SLC35D4: variants seen among roughly 807,000 people sequenced by gnomAD.
SLC35D4 encodes UDP-N-acetylglucosamine transporter SLC35D4.
chr18:23,426,718 T>A, the SLC35D4 span, among the ~76,000 whole-genome samples: 2 of 152,206 alleles, frequency 1.3e-5, no homozygotes, highest in Non-Finnish European at 2.9e-5. Context: ...AAGACAATCC[T>A]AAGCAAAAAG....
chr18:23,303,150 G>A, the SLC35D4 span, among the ~76,000 whole-genome samples: 4 of 152,198 alleles, frequency 2.6e-5, no homozygotes, highest in African/African-American at 7.2e-5. Flanking sequence ...GCTTGAACAC[G>A]CCTAGTATAT....
At chr18:23,400,239 G>C in the SLC35D4 span, among the ~76,000 whole-genome samples, 1 of 152,180 alleles carries the variant, frequency 6.6e-6, no homozygotes, top group Non-Finnish European at 1.5e-5. Context: ...ACCACGAACT[G>C]CTTTTCTCTT....
At chr18:23,370,388 T>G in the SLC35D4 span, 1 of 832,880 alleles carries the variant, frequency 1.2e-6, no homozygotes, top group South Asian at 1.7e-5. Context: ...TCCTTTTCCC[T>G]ACGAGTGTCA....
chr18:23,281,485 A>G, the SLC35D4 span, among the ~76,000 whole-genome samples: 5 of 152,108 alleles, frequency 3.3e-5, no homozygotes, highest in South Asian at 8.3e-4. Flanking sequence ...ACCACGCCCA[A>G]CTAATTTTTT....
At chr18:23,377,408 A>G in the SLC35D4 span, among the ~76,000 whole-genome samples, 1 of 152,230 alleles carries the variant, frequency 6.6e-6, no homozygotes, top group Non-Finnish European at 1.5e-5. Flanking sequence ...TTGGGCATCA[A>G]TGACTGAAAT....
At chr18:23,239,003 C>T in the SLC35D4 span, among the ~76,000 whole-genome samples, 7 of 152,334 alleles carry the variant, frequency 4.6e-5, 1 homozygote, top group African/African-American at 9.6e-5. Flanking sequence ...CTAACAGACA[C>T]GTGCCTGGTG....
the SLC35D4 span, among the ~76,000 whole-genome samples, chr18:23,369,436 T>C: frequency 6.6e-6 from 1 of 152,180 alleles, no homozygotes; most frequent in Non-Finnish European, 1.5e-5. Context: ...AGCTGCTCCA[T>C]TGACTGGCTG....
At chr18:23,245,908 C>A in the SLC35D4 span, among the ~76,000 whole-genome samples, 2 of 152,364 alleles carry the variant, frequency 1.3e-5, no homozygotes, top group African/African-American at 2.4e-5. Context: ...CAGCCTGGGC[C>A]TGCTGCGGGC....
chr18:23,327,123 A>C, the SLC35D4 span, among the ~76,000 whole-genome samples: 1 of 152,234 alleles, frequency 6.6e-6, no homozygotes, highest in Admixed American at 6.5e-5. Context: ...ACACCCTAAC[A>C]TCATAATTAA....
At chr18:23,297,889 T>A in the SLC35D4 span, 1 of 1,252,846 alleles carries the variant, frequency 8.0e-7, no homozygotes, top group East Asian at 2.4e-5. Context: ...GGCCTCACTG[T>A]CCTTGCATTC....
chr18:23,248,003 G>T, the SLC35D4 span, among the ~76,000 whole-genome samples: 1 of 152,240 alleles, frequency 6.6e-6, no homozygotes, highest in Non-Finnish European at 1.5e-5. Context: ...AGGAAACGGA[G>T]TCCCCAGCTG....
the SLC35D4 span, among the ~76,000 whole-genome samples, chr18:23,320,715 C>T: frequency 6.6e-6 from 1 of 152,218 alleles, no homozygotes; most frequent in African/African-American, 2.4e-5. Flanking sequence ...TCTATTTTAT[C>T]TAGTCCCTTA....
the SLC35D4 span, among the ~76,000 whole-genome samples, chr18:23,380,821 T>TGC: frequency 6.6e-6 from 1 of 152,038 alleles, no homozygotes; most frequent in Non-Finnish European, 1.5e-5. Context: ...TGTGTGTGTG[T>TGC]GCATGAATAC....
At chr18:23,333,477 G>GAAAGACGAAA in the SLC35D4 span, among the ~76,000 whole-genome samples, 1 of 152,210 alleles carries the variant, frequency 6.6e-6, no homozygotes, top group Non-Finnish European at 1.5e-5. Context: ...AACTGCCAAA[G>GAAAGACGAAA]TGTTGTACTC....
chr18:23,315,818 C>T, the SLC35D4 span, among the ~76,000 whole-genome samples: 2 of 152,176 alleles, frequency 1.3e-5, no homozygotes, highest in Non-Finnish European at 2.9e-5. Context: ...GACCAACTGA[C>T]TGGGGCCTGG....
At chr18:23,253,968 G>GC in the SLC35D4 span, 1 of 1,586,938 alleles carries the variant, frequency 6.3e-7, no homozygotes, top group Non-Finnish European at 8.7e-7. Flanking sequence ...GGCTGGAGGA[G>GC]CACATGCTCC....
chr18:23,424,765 C>T, the SLC35D4 span, among the ~76,000 whole-genome samples: 1 of 152,074 alleles, frequency 6.6e-6, no homozygotes, highest in African/African-American at 2.4e-5. Flanking sequence ...CTGGGAGGAT[C>T]GCTTGAGGCC....
the SLC35D4 span, among the ~76,000 whole-genome samples, chr18:23,380,807 A>AGTGT: frequency 6.0e-5 from 9 of 150,776 alleles, no homozygotes; most frequent in Non-Finnish European, 1.3e-4. Context: ...TGTGTGCATG[A>AGTGT]GTGTGTGTGT....
chr18:23,402,817 T>A, the SLC35D4 span, among the ~76,000 whole-genome samples: 4 of 149,020 alleles, frequency 2.7e-5, no homozygotes, highest in Admixed American at 1.3e-4. Context: ...TAAAAAAATA[T>A]AAAAATAGGC....
Sources: gnomAD v4.1 joint callset for allele counts (sites outside exome capture counted in the v4.1 genomes callset) on GRCh38, gnomAD v4.1.1 for gene constraint, MANE v1.5 for transcripts, NCBI Gene and HGNC (gene_info 2026-07-23, HGNC 2026-07-21) for gene names.